The following MUC17 variants were observed in gnomAD, a reference collection of about 807,000 sequenced individuals.
MUC17 encodes mucin 17, cell surface associated, also known as mucin-17.
A neutral mutation model predicts 170.3 loss-of-function variants in MUC17; 190 were observed. The ratio of observed to expected loss-of-function variants is 1.12; its 90% CI spans 0.99 to 1.26. The LOEUF is 1.26. Ranked by LOEUF, MUC17 falls within the 50% of genes most tolerant of loss-of-function variation. The pLI, the probability that MUC17 is intolerant of heterozygous loss-of-function variation, is 0.00. For synonymous variants in MUC17, 2,325 were observed against 2,002.5 expected (o/e 1.16, Z -4.30); for missense variants, 6,415 against 5,530.0 (o/e 1.16, Z -5.08).
chr7:101,038,603 G>A lies in MUC17; in HGVS notation c.7187G>A (p.Ser2396Asn), dbSNP rs767302410. 5 of 1,613,568 alleles carry A rather than the reference G, an allele frequency of 3.1e-6. No homozygotes were observed. The highest frequency in any genetic ancestry group is 1.6e-4 in the Middle Eastern group (1 of 6,080). ...SMPTSTYSEG[S>N]TPLTSVPVST... ...CCAACCTCAACTTATAGTGAAGGAA[G>A]CACTCCACTAACAAGTGTGCCTGTC... The change falls in exon 3 of 13, where the codon AGC becomes AAC. Residue 2396 changes from serine (S) to asparagine (N), a missense_variant. Coordinates refer to ENST00000306151, the MANE Select transcript of MUC17 (RefSeq NM_001040105.2).
chr7:101,031,318 C>G, intron 2 of MUC17, 97 bp downstream of exon 2: 1 of 1,501,720 alleles, frequency 6.7e-7, no homozygotes, highest in East Asian at 2.3e-5. Flanking sequence ...CCATATTTTA[C>G]AGTGTGTGAC....
intron 9 of MUC17, among the ~76,000 whole-genome samples, chr7:101,052,739 C>T (rs142422530): frequency 1.7e-3 from 261 of 152,226 alleles, no homozygotes; most frequent in African/African-American, 6.0e-3. Flanking sequence ...GCCAACCGTC[C>T]TAGGTCCTGG....
Position 101,033,858 on chromosome 7 carries a change from C to T in MUC17, c.2442C>T (p.Ser814=). The change falls in exon 3 of 13, where the codon AGC becomes AGT. Residue 814 remains serine (S), a synonymous_variant. Transcript: ENST00000306151. ...CTTTATTAACAAGTATACCTGTCAG[C>T]ATCACACCGGTGACCAGTCCTGAGG... ...GSPLLTSIPV[S]ITPVTSPEAS... 6.2e-7 allele frequency: 1 copy of T among 1,613,744 alleles called. No homozygotes were observed. The highest frequency in any genetic ancestry group is 8.5e-7 in the Non-Finnish European group (1 of 1,179,864).
At position 101,020,226 on chromosome 7, in the gene MUC17, C is replaced by A. The variant is rs773886521; in HGVS notation, c.82+9C>A. On this transcript the variant is annotated intron_variant, in intron 1 of 12. Coordinates refer to ENST00000306151, the MANE Select transcript of MUC17 (RefSeq NM_001040105.2). ...AGCTGCTGCAGAACAGGGTGAGTGACCCCCACGCCCCGCTGCCCAAGAGGC... is the reference window on the plus strand; with the variant it reads ...AGCTGCTGCAGAACAGGGTGAGTGAACCCCACGCCCCGCTGCCCAAGAGGC... 6.2e-6 allele frequency: 10 copies of A among 1,601,406 alleles called. No homozygotes were observed. The highest frequency in any genetic ancestry group is 1.7e-4 in the Middle Eastern group (1 of 6,034).
In MUC17 at chr7:101,048,965, C is replaced by G; in HGVS notation, c.12656C>G (p.Thr4219Arg). 1.2e-6 allele frequency: 2 copies of G among 1,614,134 alleles called. No homozygotes were observed. The highest frequency in any genetic ancestry group is 1.7e-6 in the Non-Finnish European group (2 of 1,179,992). ...QEFQEFKQTF[T>R]EQMNIVYSGI... ...TTCCAGGAGTTCAAACAGACATTCACGGAACAGGTAAGTCTGGGAGAGCAA... is the reference window on the plus strand; with the variant it reads ...TTCCAGGAGTTCAAACAGACATTCAGGGAACAGGTAAGTCTGGGAGAGCAA... Residue 4219 changes from threonine to arginine, a missense_variant, in exon 5 of 13, where the codon ACG becomes AGG. Thr to Arg is a moderately conservative substitution (Grantham distance 71, BLOSUM62 -1). Transcript: ENST00000306151.
chr7:101,036,152 C>A lies in MUC17; in HGVS notation c.4736C>A (p.Pro1579His), dbSNP rs755524044. Residue 1579 changes from proline to histidine, a missense_variant, in exon 3 of 13, where the codon CCT becomes CAT. Coordinates refer to ENST00000306151, the MANE Select transcript of MUC17 (RefSeq NM_001040105.2). ...SEGSTPLTSL[P>H]VSTMLVVSSE... ...GGAAGCACTCCACTAACAAGTTTGCCTGTCAGCACCATGCTGGTGGTCAGT... is the reference window on the plus strand; with the variant it reads ...GGAAGCACTCCACTAACAAGTTTGCATGTCAGCACCATGCTGGTGGTCAGT... The A allele has an allele frequency of 6.2e-7, 1 of 1,614,040 alleles. No individual in the cohort carries two copies. Among genetic ancestry groups the A allele is most frequent in the Admixed American group, 1.7e-5 (1 of 60,008 alleles).
At chr7:101,057,409 T>C (rs1166498746) in intron 12 of MUC17, among the ~76,000 whole-genome samples, 1 of 152,144 alleles carries the variant, frequency 6.6e-6, no homozygotes, top group African/African-American at 2.4e-5. Context: ...GAAGGCACAA[T>C]TGGTTTGTGC....
intron 11 of MUC17, 112 bp downstream of exon 11, chr7:101,053,548 A>G (rs1794993268): frequency 4.0e-6 from 3 of 745,220 alleles, no homozygotes; most frequent in Non-Finnish European, 6.8e-6. Flanking sequence ...CAGGAGTATT[A>G]CTTGAGGCCA....
Position 101,032,332 on chromosome 7 carries a change from G to C in MUC17, c.916G>C (p.Val306Leu), listed in dbSNP as rs1794308486. Residue 306 changes from valine to leucine, a missense_variant, in exon 3 of 13, where the codon GTG becomes CTG. By Grantham distance (32) the Val-to-Leu change is conservative. Coordinates refer to ENST00000306151, the MANE Select transcript of MUC17 (RefSeq NM_001040105.2). ...STTPAATNIP[V>L]ITSTEASSSP... ...AACTCCTGCTGCCACCAACATTCCT[G>C]TGATCACTTCTACTGAAGCCAGTTC... The C allele has an allele frequency of 6.2e-7, 1 of 1,613,516 alleles. No individual in the cohort carries two copies. Among genetic ancestry groups the C allele is most frequent in the Non-Finnish European group, 8.5e-7 (1 of 1,179,868 alleles).
In MUC17 at chr7:101,042,202, C is replaced by G. The variant is rs199851758; in HGVS notation, c.10786C>G (p.Pro3596Ala). ...TGTGACCAGTTCTGAGGCTAGCACA[C>G]CTTCCACTCCTTCTGTTGACAGAAG... ...TYVTSSEAST[P>A]STPSVDRSTP... is the part of the protein sequence containing the mutation. The change falls in exon 3 of 13, where the codon CCT becomes GCT. Residue 3596 changes from proline to alanine, a missense_variant. Pro to Ala is a conservative substitution (Grantham distance 27, BLOSUM62 -1). Coordinates refer to ENST00000306151, the MANE Select transcript of MUC17 (RefSeq NM_001040105.2). The G allele has an allele frequency of 3.3e-5, 54 of 1,614,172 alleles. 1 individual carries two copies. In the East Asian group the frequency reaches 1.1e-3, roughly 33 times the overall value.
rs556822684 is a variant in MUC17, at chr7:101,040,734, A to T, written c.9318A>T (p.Pro3106=). ...CAACTTATAGTGAAGGAAGCACTCCATTAACAGGTGTGCCTGTCAGCACCA... is the reference window on the plus strand; with the variant it reads ...CAACTTATAGTGAAGGAAGCACTCCTTTAACAGGTGTGCCTGTCAGCACCA... ...PISTYSEGST[P]LTGVPVSTTP... Residue 3106 remains proline (P), a synonymous_variant, in exon 3 of 13, where the codon CCA becomes CCT. Transcript: ENST00000306151. 3.0e-5 allele frequency: 48 copies of T among 1,613,168 alleles called. No homozygotes were observed. In the African/African-American group the frequency reaches 5.8e-4, roughly 19 times the overall value.
At chr7:101,021,540 C>G (rs1794081802) in intron 1 of MUC17, among the ~76,000 whole-genome samples, 1 of 151,790 alleles carries the variant, frequency 6.6e-6, no homozygotes, top group South Asian at 2.1e-4. Context: ...GTTCTTCTAG[C>G]CCCTTCCTTC....
intron 1 of MUC17, among the ~76,000 whole-genome samples, chr7:101,027,172 A>G (rs1794195706): frequency 6.6e-6 from 1 of 152,240 alleles, no homozygotes; most frequent in Non-Finnish European, 1.5e-5. Context: ...TATGTCTATT[A>G]AAAGTAATAA....
In MUC17 at chr7:101,041,731, TCTC is replaced by T. The variant is rs774249796; in HGVS notation, c.10318_10320del (p.Pro3440del). ...GACCACTTCTACTGAAGCCAGTTCA[TCTC>T]CTACAATCGCTGAAGGTACCAGCTT... On this transcript the variant is annotated inframe_deletion, in exon 3 of 13. Transcript: ENST00000306151. The T allele has an allele frequency of 6.2e-6, 10 of 1,613,486 alleles. No homozygotes were observed. In the Admixed American group the frequency reaches 1.2e-4, roughly 19 times the overall value.
intron 12 of MUC17, among the ~76,000 whole-genome samples, chr7:101,056,846 A>ATT (rs71517136): frequency 7.3e-5 from 11 of 151,016 alleles, no homozygotes; most frequent in Non-Finnish European, 7.4e-5. Context: ...TTTTATTACT[A>ATT]TTTTTTTTTC....
At position 101,036,469 on chromosome 7, in the gene MUC17, T is replaced by G; in HGVS notation, c.5053T>G (p.Tyr1685Asp). ...AGGTACCAGCATGCCAACCTCAACTTATACTGAAGGAAGAACTCCTTTAAC... is the reference window on the plus strand; with the variant it reads ...AGGTACCAGCATGCCAACCTCAACTGATACTGAAGGAAGAACTCCTTTAAC... ...AEGTSMPTST[Y>D]TEGRTPLTSI... The change falls in exon 3 of 13, where the codon TAT becomes GAT. Residue 1685 changes from tyrosine (Y) to aspartate (D), a missense_variant. By Grantham distance (160) the Tyr-to-Asp change is radical. Transcript: ENST00000306151. The G allele has an allele frequency of 6.2e-7, 1 of 1,605,040 alleles. No individual in the cohort carries two copies. The highest frequency in any genetic ancestry group is 1.7e-4 in the Middle Eastern group (1 of 6,004).
chr7:101,053,606 T>TAA, intron 11 of MUC17, 170 bp downstream of exon 11: 1 of 485,042 alleles, frequency 2.1e-6, no homozygotes, highest in Non-Finnish European at 3.6e-6. Context: ...CTCTATCTCT[T>TAA]AAAAAAAAAT....
chr7:101,021,067 C>T (rs1302046278), intron 1 of MUC17, among the ~76,000 whole-genome samples: 1 of 152,116 alleles, frequency 6.6e-6, no homozygotes, highest in African/African-American at 2.4e-5. Flanking sequence ...GTAATGAAAA[C>T]ACTCCTTTCC....
intron 4 of MUC17, 162 bp downstream of exon 4, chr7:101,048,277 T>A (rs1336137315): frequency 3.2e-6 from 2 of 625,002 alleles, no homozygotes; most frequent in Admixed American, 8.3e-5. Flanking sequence ...CACCCAGTGC[T>A]ATGAATGCTA....
Sources: allele counts gnomAD v4.1 joint callset (sites outside exome capture counted in the v4.1 genomes callset), GRCh38; gene constraint gnomAD v4.1.1; transcripts MANE v1.5; gene names NCBI Gene and HGNC (gene_info 2026-07-23, HGNC 2026-07-21).